Variants in ANO7 observed in about 807,000 individuals in gnomAD.
ANO7 encodes the protein anoctamin-7.
Under a neutral mutation model 115.8 loss-of-function variants are expected in ANO7, and 114 were observed. The observed-to-expected ratio is 0.98, with a 90% CI of 0.85 to 1.15. The LOEUF is 1.15. Among genes scored for constraint, ANO7 ranks in the 50% most tolerant of loss-of-function variants. The pLI is 0.00. For synonymous variants in ANO7, 550 were observed against 498.2 expected (o/e 1.10, Z -1.38); for missense variants, 1,302 against 1,201.2 (o/e 1.08, Z -1.24).
chr2:241,188,891 A>AG lies in ANO7; in HGVS notation c.-8+128dup. The AG allele has an allele frequency of 1.5e-6, 2 of 1,313,062 alleles. No individual in the cohort carries two copies. Among genetic ancestry groups the AG allele is most frequent in the Admixed American group, 5.1e-5 (2 of 38,930 alleles). The allele number at this position is 1,313,062 out of a possible 1,614,324, so 81.3% of individuals were successfully genotyped here. On this transcript the variant is annotated intron_variant, in intron 1 of 24. Coordinates refer to ENST00000674324, the MANE Select transcript of ANO7 (RefSeq NM_001370694.2). This position sits in a 1 kb window ranked among gnomAD's most constrained non-coding sequence, Gnocchi z 4.3. ...CCCTGGCCTGTGGGGAGGCAGTGCC[A>AG]GGGCCCGCCCTGGTCCCCAAAGCCC...
chr2:241,223,637 C>CGTGAGT, intron 22 of ANO7, 25 bp from the exon 23 acceptor site: 1 of 1,607,528 alleles, frequency 6.2e-7, no homozygotes. Flanking sequence ...TTTGGGTGGG[C>CGTGAGT]GTGAGTGCCT....
the ANO7 span, chr2:241,233,715 T>C: frequency 4.7e-6 from 6 of 1,270,870 alleles, no homozygotes; most frequent in Non-Finnish European, 6.7e-6. The surrounding 1 kb of genome is among the most constrained non-coding windows in gnomAD (Gnocchi z 4.3). Flanking sequence ...CACTCTCAAC[T>C]TGGCCCTCGA....
chr2:241,230,637 C>A (rs1559470358), downstream of ANO7: 5 of 850,214 alleles, frequency 5.9e-6, no homozygotes, highest in Non-Finnish European at 9.3e-6. The surrounding 1 kb of genome is among the most constrained non-coding windows in gnomAD (Gnocchi z 5.0). Flanking sequence ...AGTTCCACTG[C>A]CAGCCCTGGG....
downstream of ANO7, among the ~76,000 whole-genome samples, chr2:241,227,076 G>A (rs947153197): frequency 6.6e-6 from 1 of 152,200 alleles, no homozygotes; most frequent in African/African-American, 2.4e-5. Context: ...CTGTCTGGCA[G>A]CCAGAGGACA....
At chr2:241,239,300 A>G in the ANO7 span, among the ~76,000 whole-genome samples, 1 of 151,946 alleles carries the variant, frequency 6.6e-6, no homozygotes, top group Non-Finnish European at 1.5e-5. The surrounding 1 kb of genome is among the most constrained non-coding windows in gnomAD (Gnocchi z 4.6). Context: ...GATCCCTTAT[A>G]CAGAATGCAT....
intron 3 of ANO7, among the ~76,000 whole-genome samples, chr2:241,193,562 C>T (rs183966235): frequency 1.1e-3 from 170 of 150,840 alleles, no homozygotes; most frequent in African/African-American, 3.9e-3. Context: ...CATTCCAAGA[C>T]AGCACCTCCC....
At chr2:241,211,146 G>A (rs963699896) in intron 15 of ANO7, among the ~76,000 whole-genome samples, 3 of 152,134 alleles carry the variant, frequency 2.0e-5, no homozygotes, top group African/African-American at 4.8e-5. Context: ...AGACCCTGGG[G>A]GCACTCCAGC....
At chr2:241,232,304 C>T in the ANO7 span, among the ~76,000 whole-genome samples, 1 of 149,138 alleles carries the variant, frequency 6.7e-6, no homozygotes, top group Non-Finnish European at 1.5e-5. Flanking sequence ...AAGACAGAGT[C>T]TCACTCTGTC....
At chr2:241,236,627 C>A in the ANO7 span, 1 of 1,614,018 alleles carries the variant, frequency 6.2e-7, no homozygotes, top group Non-Finnish European at 8.5e-7. Flanking sequence ...CCAGAGCTTC[C>A]TTGGCAGCCT....
At chr2:241,213,594 G>A (rs1395083183) in intron 17 of ANO7, among the ~76,000 whole-genome samples, 2 of 152,138 alleles carry the variant, frequency 1.3e-5, no homozygotes, top group Non-Finnish European at 1.5e-5. Flanking sequence ...CCTCAAAACT[G>A]TTCCCGACGC....
Position 241,203,285 on chromosome 2 carries a change from G to C in ANO7, c.724-48G>C. The stretch of plus-strand genomic sequence containing the variant: ...GCCCCTGCACCTACAACAGTGCCCA[G>C]TGGGGTCAGCTGGGGGAGCCTCCCA... On this transcript the variant is annotated intron_variant, in intron 8 of 24. Coordinates refer to ENST00000674324, the MANE Select transcript of ANO7 (RefSeq NM_001370694.2). This position sits in a 1 kb window ranked among gnomAD's most constrained non-coding sequence, Gnocchi z 4.8. The C allele has an allele frequency of 2.1e-6, 3 of 1,444,066 alleles. No individual in the cohort carries two copies. The highest frequency in any genetic ancestry group is 2.7e-6 in the Non-Finnish European group (3 of 1,091,082). 89.5% of individuals were successfully genotyped at this position (1,444,066 alleles called of 1,614,324 possible). A position where few individuals can be genotyped will look rare whatever the true frequency, so the allele number is the denominator to read the frequency against.
chr2:241,196,242 G>A (rs1434247166), intron 4 of ANO7: 5 of 923,708 alleles, frequency 5.4e-6, no homozygotes, highest in Non-Finnish European at 6.7e-6. Context: ...TTTGCTTTCG[G>A]TGATAATGGT....
rs540755008 is a variant in ANO7 at position 241,209,017 on chromosome 2, C to G, written c.1078-268C>G. 3.9e-5 allele frequency among the ~76,000 whole-genome samples: 6 copies of G among 152,148 alleles called. No individual in the cohort carries two copies. In the South Asian group the frequency reaches 1.0e-3, roughly 26 times the overall value. ...ACAAAAATTTAGCCGGGCGTGGTGGCGGGCGCCTGTAGTCCCAGCTACTTG... is the reference window on the plus strand; with the variant it reads ...ACAAAAATTTAGCCGGGCGTGGTGGGGGGCGCCTGTAGTCCCAGCTACTTG... On this transcript the variant is annotated intron_variant, in intron 11 of 24. Coordinates refer to ENST00000674324, the MANE Select transcript of ANO7 (RefSeq NM_001370694.2).
At chr2:241,222,316 G>T (rs2069042405) in intron 21 of ANO7, among the ~76,000 whole-genome samples, 1 of 152,102 alleles carries the variant, frequency 6.6e-6, no homozygotes, top group African/African-American at 2.4e-5. Context: ...CCGGCTGAAA[G>T]AGTTACGTCT....
the ANO7 span, among the ~76,000 whole-genome samples, chr2:241,231,564 G>C: frequency 1.9e-4 from 29 of 152,284 alleles, 1 homozygote; most frequent in South Asian, 6.0e-3. Context: ...GCGGGGCAAA[G>C]ACAAAGCCCC....
At position 241,195,711 on chromosome 2, in the gene ANO7, GTC is replaced by G; in HGVS notation, c.176_177del (p.Val59AlafsTer34). On this transcript the variant is annotated frameshift_variant, in exon 4 of 25. Transcript: ENST00000674324. LOFTEE classifies it high-confidence loss of function. ...TCCCTGTTGGCTCCCAGCAGACTTC[GTC>G]CTCGTTTGGGAGGAGGACCTGAAGC... ...SPAKPRIADF[V>X]LVWEEDLKLD... is the part of the protein sequence containing the mutation. 1 of 1,614,114 alleles carries G rather than the reference GTC, an allele frequency of 6.2e-7. No individual in the cohort carries two copies. The highest frequency in any genetic ancestry group is 2.2e-5 in the East Asian group (1 of 44,894).
downstream of ANO7, among the ~76,000 whole-genome samples, chr2:241,227,014 CTCCACAAGGA>C (rs2069204463): frequency 3.3e-5 from 5 of 152,202 alleles, no homozygotes; most frequent in South Asian, 1.0e-3. Context: ...GCAGGTGCTG[CTCCACAAGGA>C]CGGTTGTCCA....
intron 22 of ANO7, 112 bp downstream of exon 22, chr2:241,223,388 A>G (rs779801292): frequency 8.0e-7 from 1 of 1,257,446 alleles, no homozygotes; most frequent in East Asian, 2.3e-5. Context: ...CTGCTGTGTC[A>G]TCTTGGTCAA....
downstream of ANO7, chr2:241,229,635 G>A (rs1381627134): frequency 6.2e-7 from 1 of 1,614,100 alleles, no homozygotes; most frequent in East Asian, 2.2e-5. Flanking sequence ...GGTCTTGGGA[G>A]CCACCTGAGC....
Sources: gnomAD v4.1 joint callset for allele counts (sites outside exome capture counted in the v4.1 genomes callset) on GRCh38, gnomAD v4.1.1 for gene constraint, Gnocchi (gnomAD v3.1) non-coding constraint, MANE v1.5 for transcripts, NCBI Gene and HGNC (gene_info 2026-07-23, HGNC 2026-07-21) for gene names.